Variants in DNAH12 observed in about 807,000 individuals in gnomAD.
DNAH12 encodes the protein dynein axonemal heavy chain 12.
Under a neutral mutation model 371.5 loss-of-function variants are expected in DNAH12, and 285 were observed. The ratio of observed to expected loss-of-function variants is 0.77; its 90% CI spans 0.70 to 0.85. The LOEUF (loss-of-function observed/expected upper bound fraction) is 0.85. Among genes scored for constraint, DNAH12 ranks in the 40% least tolerant of loss-of-function variants. The pLI is 0.00. For missense variants in DNAH12, 3,611 were observed against 3,689.4 expected, an observed-to-expected ratio of 0.98 and a Z score of 0.55; for synonymous variants, 1,200 against 1,213.0, an observed-to-expected ratio of 0.99 and a Z score of 0.22.
chr3:57,468,905 A>T lies in DNAH12; in HGVS notation c.2180T>A (p.Ile727Asn). ...TTGGAAAAATTTTAGTGTCTTAAAA[A>T]TTTCTCGGGAAAACTCTTCCACATC... ...EADVEEFSREIFKTLKFFQTK... is the reference protein window; with the variant it reads ...EADVEEFSRENFKTLKFFQTK... The change falls in exon 17 of 74, where the codon ATT becomes AAT. Residue 727 changes from isoleucine (I) to asparagine (N), a missense_variant. Physicochemically the swap from Ile to Asn is moderately radical, Grantham distance 149. Coordinates refer to ENST00000495027, the MANE Select transcript of DNAH12 (RefSeq NM_001366028.2). The T allele has an allele frequency of 6.6e-7, 1 of 1,525,058 alleles. No individual in the cohort carries two copies. The allele number at this position is 1,525,058 out of a possible 1,614,324, so 94.5% of individuals were successfully genotyped here. A position where few individuals can be genotyped will look rare whatever the true frequency, so the allele number is the denominator to read the frequency against.
chr3:57,523,108 C>T (rs2068510341), intron 4 of DNAH12, among the ~76,000 whole-genome samples: 1 of 152,012 alleles, frequency 6.6e-6, no homozygotes, highest in Non-Finnish European at 1.5e-5. Flanking sequence ...ATTGGCCGGG[C>T]ACAGTGGCTC....
chr3:57,499,555 AG>A (rs2067438237), intron 11 of DNAH12, among the ~76,000 whole-genome samples: 1 of 144,870 alleles, frequency 6.9e-6, no homozygotes, highest in African/African-American at 2.6e-5. Flanking sequence ...ACACTTTGAG[AG>A]GCCAAGGTGG....
chr3:57,467,021 C>T (rs1400113413), intron 17 of DNAH12, among the ~76,000 whole-genome samples: 1 of 152,086 alleles, frequency 6.6e-6, no homozygotes, highest in Non-Finnish European at 1.5e-5. Context: ...TCCCAAAGCA[C>T]TGGGATTACA....
rs186674293 is a variant in DNAH12 at position 57,310,775 on chromosome 3, C to T, written c.10838G>A (p.Ser3613Asn). 1.0e-5 allele frequency: 16 copies of T among 1,551,666 alleles called. No homozygotes were observed. The East Asian group carries it at 3.7e-4, about 36-fold the overall frequency. ...TTTAGGAGGTGCAAAATAGTTTCCA[C>T]TGGGAGAAAACTTATAATGAGGGTT... The part of the protein sequence containing the change: ...VENPHYKFSP[S>N]GNYFAPPKGT... The change falls in exon 67 of 74, where the codon AGT becomes AAT. Residue 3613 changes from serine to asparagine, a missense_variant. Ser to Asn is a conservative substitution (Grantham distance 46). Coordinates refer to ENST00000495027, the MANE Select transcript of DNAH12 (RefSeq NM_001366028.2).
intron 49 of DNAH12, among the ~76,000 whole-genome samples, chr3:57,382,962 G>A (rs2063426226): frequency 6.6e-6 from 1 of 152,182 alleles, no homozygotes; most frequent in Admixed American, 6.6e-5. Context: ...TTAAAGTTCT[G>A]GGTGAGAATT....
chr3:57,402,288 A>T (rs1303127787), intron 43 of DNAH12: 2 of 840,056 alleles, frequency 2.4e-6, no homozygotes, highest in African/African-American at 3.8e-5. Context: ...AGTGAAAGTG[A>T]AAGAAGTCCA....
chr3:57,331,472 C>A lies in DNAH12; in HGVS notation c.9978+2993G>T, dbSNP rs889618106. Among the ~76,000 whole-genome samples, 76 of 152,104 alleles carry A rather than the reference C, an allele frequency of 5.0e-4. 1 individual carries two copies. The highest frequency in any genetic ancestry group is 1.9e-4 in the Non-Finnish European group (13 of 68,022). ...TACACAGACACATATGCACACACAA[C>A]TATCAGGCAAGAATGAGATGAATAT... On this transcript the variant is annotated intron_variant, in intron 62 of 73. Coordinates refer to ENST00000495027, the MANE Select transcript of DNAH12 (RefSeq NM_001366028.2).
the DNAH12 span, among the ~76,000 whole-genome samples, chr3:57,549,889 G>T: frequency 9.2e-5 from 14 of 152,034 alleles, no homozygotes; most frequent in Admixed American, 8.5e-4. Flanking sequence ...CTCCCAAAGT[G>T]CTGGGATTAC....
chr3:57,444,904 C>A, intron 28 of DNAH12, 88 bp from the exon 29 acceptor site: 1 of 1,439,066 alleles, frequency 6.9e-7, no homozygotes, highest in East Asian at 2.5e-5. Context: ...CGGCCTGCCC[C>A]ACCCCACCCC....
chr3:57,302,777 T>A (rs1366825675), intron 69 of DNAH12, among the ~76,000 whole-genome samples: 1 of 148,286 alleles, frequency 6.7e-6, no homozygotes, highest in African/African-American at 2.5e-5. Context: ...GGTTTCACCA[T>A]GTTGGCCAGG....
intron 72 of DNAH12, 51 bp downstream of exon 72, chr3:57,296,293 A>T (rs2061231518): frequency 1.5e-6 from 2 of 1,377,994 alleles, no homozygotes; most frequent in Non-Finnish European, 2.0e-6. Flanking sequence ...TGCTTATCTT[A>T]TCTATGATTC....
chr3:57,344,905 T>C (rs922525794), intron 60 of DNAH12, among the ~76,000 whole-genome samples: 3 of 152,080 alleles, frequency 2.0e-5, no homozygotes, highest in African/African-American at 4.8e-5. Flanking sequence ...TTGTTGACTC[T>C]TGAACAACCA....
At chr3:57,552,861 C>CA in the DNAH12 span, among the ~76,000 whole-genome samples, 1 of 150,992 alleles carries the variant, frequency 6.6e-6, no homozygotes, top group African/African-American at 2.4e-5. Flanking sequence ...GCCTGGGTGA[C>CA]AGAATGAGAC....
Position 57,457,975 on chromosome 3 carries a change from A to G in DNAH12, c.3082T>C (p.Leu1028=), listed in dbSNP as rs1477200918. The change falls in exon 22 of 74, where the codon TTA becomes CTA. Residue 1028 remains leucine, a synonymous_variant. Transcript: ENST00000495027. The part of the protein sequence containing the change: ...RFFFLSNDEM[L]EILSETKDPL... ...TCTTTGGTCTCTGATAAAATCTCTA[A>G]CATTTCATCATTAGATAAGAAGAAA... 2.6e-6 allele frequency: 4 copies of G among 1,550,698 alleles called. No individual in the cohort carries two copies. The highest frequency in any genetic ancestry group is 3.5e-6 in the Non-Finnish European group (4 of 1,146,334).
chr3:57,372,917 T>C (rs1247849031), intron 55 of DNAH12, among the ~76,000 whole-genome samples: 1 of 152,148 alleles, frequency 6.6e-6, no homozygotes, highest in Non-Finnish European at 1.5e-5. Flanking sequence ...GAAAAAGTCA[T>C]TTTAAAAGCA....
chr3:57,350,712 A>C (rs2062652434), intron 60 of DNAH12, among the ~76,000 whole-genome samples: 2 of 152,228 alleles, frequency 1.3e-5, no homozygotes, highest in Admixed American at 1.3e-4. Context: ...AAGAAAAAGC[A>C]AACTAGAGAG....
intron 4 of DNAH12, among the ~76,000 whole-genome samples, chr3:57,520,184 C>T (rs1178335038): frequency 6.6e-6 from 1 of 152,100 alleles, no homozygotes; most frequent in Non-Finnish European, 1.5e-5. Flanking sequence ...GCAATCTCGG[C>T]TCACTGCAAC....
At chr3:57,459,188 C>A (rs1328157091) in intron 20 of DNAH12, among the ~76,000 whole-genome samples, 1 of 152,190 alleles carries the variant, frequency 6.6e-6, no homozygotes, top group Non-Finnish European at 1.5e-5. Flanking sequence ...CCCCATCACT[C>A]CGAGTACACA....
intron 65 of DNAH12, among the ~76,000 whole-genome samples, chr3:57,319,191 T>C (rs1023506998): frequency 2.0e-5 from 3 of 152,302 alleles, no homozygotes; most frequent in Admixed American, 2.0e-4. Flanking sequence ...TGTACAGAAA[T>C]GCAACTAATT....
Sources: allele counts gnomAD v4.1 joint callset (sites outside exome capture counted in the v4.1 genomes callset), GRCh38; gene constraint gnomAD v4.1.1; transcripts MANE v1.5; gene names NCBI Gene and HGNC (gene_info 2026-07-23, HGNC 2026-07-21).